Variants in PTPRT observed in about 807,000 individuals in gnomAD.
PTPRT encodes the protein receptor-type tyrosine-protein phosphatase T.
PTPRT carries 56 observed loss-of-function variants against 176.8 expected under a neutral mutation model. The observed-to-expected ratio is 0.32, with a 90% CI of 0.26 to 0.40. The LOEUF (loss-of-function observed/expected upper bound fraction) is 0.40, where lower values mean the gene tolerates loss of function less well. Ranked by LOEUF, PTPRT falls within the 10% of genes least tolerant of loss-of-function variation. The pLI is 1.00. For synonymous variants in PTPRT, 783 were observed against 739.0 expected (o/e 1.06, Z -0.96); for missense variants, 1,540 against 1,908.2 (o/e 0.81, Z 3.60).
chr20:42,853,882 T>A (rs1407160342), intron 2 of PTPRT, among the ~76,000 whole-genome samples: 1 of 152,170 alleles, frequency 6.6e-6, no homozygotes, highest in East Asian at 1.9e-4. Flanking sequence ...GCTCCTAAAA[T>A]ACAGCAAAGT....
the PTPRT span, among the ~76,000 whole-genome samples, chr20:42,039,438 A>G: frequency 6.6e-6 from 1 of 151,886 alleles, no homozygotes; most frequent in Non-Finnish European, 1.5e-5. Context: ...TACTCCTCCT[A>G]TGTAACTAAA....
At chr20:42,636,230 T>A (rs1047551154) in intron 7 of PTPRT, among the ~76,000 whole-genome samples, 1 of 152,068 alleles carries the variant, frequency 6.6e-6, no homozygotes, top group Non-Finnish European at 1.5e-5. Flanking sequence ...AAGTCTGAAG[T>A]GGGTAGGGAC....
chr20:42,833,922 G>GA (rs1424877124), intron 2 of PTPRT, among the ~76,000 whole-genome samples: 2 of 151,946 alleles, frequency 1.3e-5, no homozygotes, highest in African/African-American at 2.4e-5. Flanking sequence ...TCAAAAACAG[G>GA]AAAAAATCTT....
intron 1 of PTPRT, among the ~76,000 whole-genome samples, chr20:43,034,489 C>T (rs953032755): frequency 5.3e-5 from 8 of 150,788 alleles, no homozygotes; most frequent in Non-Finnish European, 5.9e-5. Flanking sequence ...CAAGGGCAAA[C>T]GAACCTTCCA....
intron 1 of PTPRT, among the ~76,000 whole-genome samples, chr20:42,902,549 C>G (rs185630781): frequency 6.6e-6 from 1 of 152,326 alleles, no homozygotes; most frequent in East Asian, 1.9e-4. Context: ...TTCTCAAGTT[C>G]TACCCTGGGA....
At chr20:43,155,496 A>C (rs1421229325) in intron 1 of PTPRT, among the ~76,000 whole-genome samples, 3 of 152,218 alleles carry the variant, frequency 2.0e-5, no homozygotes, top group Non-Finnish European at 4.4e-5. Flanking sequence ...ATAGAAGTAG[A>C]CAGTAGAATG....
intron 13 of PTPRT, among the ~76,000 whole-genome samples, chr20:42,252,397 C>T (rs961506522): frequency 2.6e-5 from 4 of 152,020 alleles, no homozygotes; most frequent in Non-Finnish European, 5.9e-5. Flanking sequence ...GGTGAAATCA[C>T]CCTGGGAAAG....
intron 16 of PTPRT, among the ~76,000 whole-genome samples, chr20:42,185,620 T>C (rs1231842692): frequency 6.6e-6 from 1 of 152,224 alleles, no homozygotes; most frequent in Non-Finnish European, 1.5e-5. Context: ...TCCACCTTTA[T>C]TCAATTCTGA....
intron 7 of PTPRT, among the ~76,000 whole-genome samples, chr20:42,513,168 T>C (rs921633910): frequency 4.6e-5 from 7 of 151,306 alleles, no homozygotes; most frequent in Non-Finnish European, 8.8e-5. Flanking sequence ...CCTAATGTTG[T>C]TATTGTGTTT....
intron 2 of PTPRT, among the ~76,000 whole-genome samples, chr20:42,872,928 G>A (rs1027596564): frequency 6.6e-6 from 1 of 152,192 alleles, no homozygotes; most frequent in Non-Finnish European, 1.5e-5. Context: ...AGAAGGCCAT[G>A]CTAACCAAAG....
At chr20:42,553,469 C>T (rs187651033) in intron 7 of PTPRT, among the ~76,000 whole-genome samples, 19 of 152,100 alleles carry the variant, frequency 1.2e-4, no homozygotes, top group Admixed American at 7.2e-4. Flanking sequence ...ATGCTGTCTT[C>T]CTTTCTCCTT....
intron 9 of PTPRT, among the ~76,000 whole-genome samples, chr20:42,386,910 A>G (rs2058750498): frequency 6.6e-6 from 1 of 152,146 alleles, no homozygotes; most frequent in South Asian, 2.1e-4. Context: ...ATATGAGAAA[A>G]TTGAAGCTGT....
rs141626844 is a variant in PTPRT, at chr20:42,581,029, C to G, written c.1153+96837G>C. Among the ~76,000 whole-genome samples the G allele has an allele frequency of 3.4e-3, 512 of 152,218 alleles. 6 individuals carry two copies. The highest frequency in any genetic ancestry group is 0.012 in the African/African-American group (497 of 41,528). The stretch of plus-strand genomic sequence containing the variant: ...CCAGGTACATTCCTGACTTACTCTC[C>G]TCCCATTTTCTCCTTCACACACTCA... On this transcript the variant is annotated intron_variant, in intron 7 of 30. Coordinates refer to ENST00000373187, the MANE Select transcript of PTPRT (RefSeq NM_007050.6).
intron 8 of PTPRT, among the ~76,000 whole-genome samples, chr20:42,471,699 A>G (rs1006830014): frequency 6.6e-6 from 1 of 152,090 alleles, no homozygotes; most frequent in African/African-American, 2.4e-5. Context: ...TCTGTTGCCC[A>G]GGCTGGAGTG....
intron 7 of PTPRT, among the ~76,000 whole-genome samples, chr20:42,507,053 T>C (rs926367383): frequency 1.2e-4 from 18 of 152,148 alleles, no homozygotes; most frequent in African/African-American, 3.6e-4. Context: ...GACCTCATTA[T>C]GCAGGAGTAA....
rs6102662 is a variant in PTPRT at position 42,077,204 on chromosome 20, G to A, written c.*3675C>T. 13 of 185,044 alleles carry A rather than the reference G, an allele frequency of 7.0e-5. No individual in the cohort carries two copies. Among genetic ancestry groups the A allele is most frequent in the Non-Finnish European group, 1.1e-4 (10 of 87,498 alleles). 11.5% of individuals were successfully genotyped at this position (185,044 alleles called of 1,614,324 possible). ...CCCACAGAGAGGGCCAGCACTAAAA[G>A]CAAACTGTCCCCTTCCATTCCCACA... On this transcript the variant is annotated 3_prime_UTR_variant, in exon 31 of 31. Coordinates refer to ENST00000373187, the MANE Select transcript of PTPRT (RefSeq NM_007050.6).
At chr20:42,037,540 G>A in the PTPRT span, among the ~76,000 whole-genome samples, 1 of 152,208 alleles carries the variant, frequency 6.6e-6, no homozygotes, top group Non-Finnish European at 1.5e-5. Flanking sequence ...GCAACACCCA[G>A]TGGCACCCGA....
At chr20:42,684,902 C>A (rs2075665377) in intron 6 of PTPRT, among the ~76,000 whole-genome samples, 1 of 152,100 alleles carries the variant, frequency 6.6e-6, no homozygotes. Context: ...CACCATGGGG[C>A]AGCTCCCATG....
At chr20:42,908,693 A>G (rs1209788983) in intron 1 of PTPRT, among the ~76,000 whole-genome samples, 2 of 152,176 alleles carry the variant, frequency 1.3e-5, no homozygotes, top group African/African-American at 4.8e-5. Flanking sequence ...GCTGTGGTCA[A>G]GTTTGGAGAA....
Sources: allele counts gnomAD v4.1 joint callset (sites outside exome capture counted in the v4.1 genomes callset), GRCh38; gene constraint gnomAD v4.1.1; transcripts MANE v1.5; gene names NCBI Gene and HGNC (gene_info 2026-07-23, HGNC 2026-07-21).